Variants in TBCD observed in about 807,000 individuals in gnomAD.
TBCD encodes tubulin-specific chaperone D.
In TBCD, 105 loss-of-function variants were observed where a neutral mutation model predicts 169.3. The ratio of observed to expected loss-of-function variants is 0.62; its 90% CI spans 0.53 to 0.73. The LOEUF (loss-of-function observed/expected upper bound fraction) is 0.73, where lower values mean the gene tolerates loss of function less well. Ranked by LOEUF, TBCD falls within the 30% of genes least tolerant of loss-of-function variation. The pLI is 0.00. For missense variants in TBCD, 1,444 were observed against 1,600.1 expected (o/e 0.90, Z 1.66); for synonymous variants, 700 against 643.9 (o/e 1.09, Z -1.32).
At chr17:82,883,707 G>A (rs977070482) in intron 14 of TBCD, among the ~76,000 whole-genome samples, 1 of 152,214 alleles carries the variant, frequency 6.6e-6, no homozygotes, top group Non-Finnish European at 1.5e-5. Flanking sequence ...CTGCCCCGGG[G>A]CATTTGTGTC....
chr17:82,821,190 G>GCC (rs2052387821), intron 13 of TBCD, among the ~76,000 whole-genome samples: 1 of 152,164 alleles, frequency 6.6e-6, no homozygotes, highest in African/African-American at 2.4e-5. Context: ...TGATCTTCCT[G>GCC]CCTTGGCCTG....
intron 12 of TBCD, among the ~76,000 whole-genome samples, chr17:82,811,891 T>C (rs1292830982): frequency 6.6e-6 from 1 of 152,104 alleles, no homozygotes; most frequent in Non-Finnish European, 1.5e-5. Context: ...TTAATTATAT[T>C]AACTGTAAGA....
intron 37 of TBCD, among the ~76,000 whole-genome samples, chr17:82,940,690 C>T (rs1436592619): frequency 2.0e-5 from 3 of 152,222 alleles, no homozygotes; most frequent in Non-Finnish European, 4.4e-5. Flanking sequence ...GGGCTGTCTT[C>T]TCAACATGCG....
chr17:82,888,634 G>A (rs1307552402), intron 15 of TBCD, among the ~76,000 whole-genome samples: 3 of 152,218 alleles, frequency 2.0e-5, no homozygotes, highest in Non-Finnish European at 2.9e-5. Context: ...GGAGCCACCC[G>A]CACGTCTGGT....
In TBCD at chr17:82,782,955, C is replaced by T. The variant is rs993873953; in HGVS notation, c.771+1234C>T. On this transcript the variant is annotated intron_variant, in intron 7 of 38. Transcript: ENST00000355528. This position sits in a 1 kb window ranked among gnomAD's most constrained non-coding sequence, Gnocchi z 5.1. ...GGCGGCCTCCTGTCCGCGGTGCCCT[C>T]CTGTCCATGGTGGCCTCCTGTCCGC... Among the ~76,000 whole-genome samples the T allele has an allele frequency of 6.6e-6, 1 of 151,180 alleles. No individual in the cohort carries two copies. Among genetic ancestry groups the T allele is most frequent in the Non-Finnish European group, 1.5e-5 (1 of 67,790 alleles).
At position 82,806,115 on chromosome 17, in the gene TBCD, T is replaced by C. The variant is rs2050941441; in HGVS notation, c.1087+104T>C. 6 of 1,473,816 alleles carry C rather than the reference T, an allele frequency of 4.1e-6. No homozygotes were observed. The highest frequency in any genetic ancestry group is 4.6e-6 in the Non-Finnish European group (5 of 1,092,746). 91.3% of individuals were successfully genotyped at this position (1,473,816 alleles called of 1,614,324 possible). A position where few individuals can be genotyped will look rare whatever the true frequency, so the allele number is the denominator to read the frequency against. ...TTCTTCCTTGCTGGTGCCGGCACTG[T>C]CTGGCCACCCGTCCCCTTCGCTGAG... On this transcript the variant is annotated intron_variant, in intron 10 of 38. Transcript: ENST00000355528. This position sits in a 1 kb window ranked among gnomAD's most constrained non-coding sequence, Gnocchi z 5.1.
At position 82,929,126 on chromosome 17, in the gene TBCD, A is replaced by G. The variant is rs934503914; in HGVS notation, c.2707A>G (p.Met903Val). Residue 903 changes from methionine (M) to valine (V), a missense_variant, in exon 31 of 39, where the codon ATG becomes GTG. By Grantham distance (21) the Met-to-Val change is conservative. Coordinates refer to ENST00000355528, the MANE Select transcript of TBCD (RefSeq NM_005993.5). ...CTCGGTTTGCAGCTGTGAGCGCATC[A>G]TGTGCTGTGTGGCCCAGCAGGCCAG... ...LIEAHTCERI[M>V]CCVAQQASEK... The G allele has an allele frequency of 1.2e-6, 2 of 1,611,520 alleles. No homozygotes were observed. The highest frequency in any genetic ancestry group is 1.7e-6 in the Non-Finnish European group (2 of 1,179,828).
intron 7 of TBCD, among the ~76,000 whole-genome samples, chr17:82,793,883 T>G (rs182331207): frequency 2.6e-5 from 4 of 152,152 alleles, no homozygotes; most frequent in African/African-American, 7.2e-5. Context: ...TACCATTTCT[T>G]GGTGTCGGAG....
chr17:82,932,511 T>A, intron 33 of TBCD, 147 bp from the exon 34 acceptor site: 1 of 709,154 alleles, frequency 1.4e-6, no homozygotes, highest in Non-Finnish European at 2.5e-6. Flanking sequence ...ACAGTTGTTT[T>A]GTCTTTTCCT....
chr17:82,885,168 C>T (rs886649820), intron 15 of TBCD, among the ~76,000 whole-genome samples: 1 of 151,936 alleles, frequency 6.6e-6, no homozygotes, highest in African/African-American at 2.4e-5. Flanking sequence ...GTGAGGGTTT[C>T]CTGTCAGCCC....
At chr17:82,909,695 A>G (rs2060491825) in intron 22 of TBCD, among the ~76,000 whole-genome samples, 1 of 133,290 alleles carries the variant, frequency 7.5e-6, no homozygotes, top group Non-Finnish European at 1.6e-5. Flanking sequence ...GATTGGGTTG[A>G]GCGGGTGTCA....
chr17:82,932,334 G>A (rs533063710), intron 33 of TBCD, among the ~76,000 whole-genome samples: 71 of 152,326 alleles, frequency 4.7e-4, no homozygotes, highest in African/African-American at 1.6e-3. Context: ...TCCCCTCTCC[G>A]CTGCATTGCC....
intron 11 of TBCD, among the ~76,000 whole-genome samples, chr17:82,808,899 CAAGGCAGGTGGAGGGGAT>C (rs946714121): frequency 7.4e-6 from 1 of 136,042 alleles, no homozygotes; most frequent in Non-Finnish European, 1.6e-5. Flanking sequence ...ATGGAGGGGA[CAAGGCAGGTGGAGGGGAT>C]AAGGCAGGTG....
At position 82,782,713 on chromosome 17, in the gene TBCD, G is replaced by GGCGTCGTCCTCCTGTCCGCA. The variant is rs2049027420; in HGVS notation, c.771+995_771+1014dup. ...CTCGCCACGGCGTCCTCCTGTCCGTGGCGTCGTCCTCCTGTCCGCAGCATC... is the reference window on the plus strand; with the variant it reads ...CTCGCCACGGCGTCCTCCTGTCCGTGGCGTCGTCCTCCTGTCCGCAGCGTCGTCCTCCTGTCCGCAGCATC... On this transcript the variant is annotated intron_variant, in intron 7 of 38. Coordinates refer to ENST00000355528, the MANE Select transcript of TBCD (RefSeq NM_005993.5). The surrounding 1 kb of genome is among the most constrained non-coding windows in gnomAD (Gnocchi z 5.1). Among the ~76,000 whole-genome samples the GGCGTCGTCCTCCTGTCCGCA allele has an allele frequency of 6.6e-6, 1 of 151,900 alleles. No homozygotes were observed. The highest frequency in any genetic ancestry group is 2.4e-5 in the African/African-American group (1 of 41,324).
intron 13 of TBCD, among the ~76,000 whole-genome samples, chr17:82,850,430 CTGT>C (rs1433419340): frequency 1.2e-4 from 14 of 114,744 alleles, no homozygotes; most frequent in East Asian, 2.8e-4. Context: ...GTTGGCTGTG[CTGT>C]TGTTGGCTGT....
Position 82,838,688 on chromosome 17 carries a change from T to C in TBCD, c.1318+23754T>C, listed in dbSNP as rs1353636019. 7.1e-6 allele frequency: 7 copies of C among 985,366 alleles called. No individual in the cohort carries two copies. The East Asian group carries it at 4.5e-4, about 64-fold the overall frequency. The allele number at this position is 985,366 out of a possible 1,614,324, so 61.0% of individuals were successfully genotyped here. ...CCACTCCCTCCCAGCCTTTCGGTTC[T>C]TTAAAATGAAAGATAAACCTCAGGA... On this transcript the variant is annotated intron_variant, in intron 13 of 38. Coordinates refer to ENST00000355528, the MANE Select transcript of TBCD (RefSeq NM_005993.5).
intron 27 of TBCD, among the ~76,000 whole-genome samples, chr17:82,925,611 C>T (rs1291483096): frequency 6.6e-6 from 1 of 152,204 alleles, no homozygotes; most frequent in Non-Finnish European, 1.5e-5. Flanking sequence ...CCACGCCCTT[C>T]CCTCCCCATG....
chr17:82,829,793 G>T, intron 13 of TBCD: 1 of 265,946 alleles, frequency 3.8e-6, no homozygotes, highest in Non-Finnish European at 7.2e-6. Context: ...TATGCAGCTA[G>T]AGCTAATAGA....
At chr17:82,942,228 C>T in intron 38 of TBCD, 2 of 602,674 alleles carry the variant, frequency 3.3e-6, no homozygotes, top group South Asian at 4.2e-5. Context: ...GTGAACCTCC[C>T]TTCCCGCTCC....
Sources: allele counts gnomAD v4.1 joint callset (sites outside exome capture counted in the v4.1 genomes callset), GRCh38; gene constraint gnomAD v4.1.1; non-coding constraint Gnocchi (gnomAD v3.1); transcripts MANE v1.5; gene names NCBI Gene and HGNC (gene_info 2026-07-23, HGNC 2026-07-21).